Variants in PLEKHA6 observed in about 807,000 individuals in gnomAD.
PLEKHA6 encodes the protein pleckstrin homology domain-containing family A member 6.
Under a neutral mutation model 116.7 loss-of-function variants are expected in PLEKHA6, and 60 were observed. That is an observed-to-expected ratio of 0.51 (90% CI 0.42 to 0.64). PLEKHA6 has a LOEUF of 0.64. Ranked by LOEUF, PLEKHA6 falls within the 30% of genes least tolerant of loss-of-function variation. The probability of loss-of-function intolerance (pLI) is 0.00; values close to 1 mark genes in which losing one functional copy is unlikely to be tolerated. For missense variants in PLEKHA6, 1,338 were observed against 1,422.7 expected (o/e 0.94, Z 0.96); for synonymous variants, 489 against 556.1 (o/e 0.88, Z 1.70).
At chr1:204,362,312 TGAGG>T (rs1673577692), upstream of PLEKHA6, among the ~76,000 whole-genome samples, 1 of 152,114 alleles carries the variant, frequency 6.6e-6, no homozygotes, top group Admixed American at 6.6e-5. Flanking sequence ...TGAGGTGGCG[TGAGG>T]GAGGGAGGAT....
intron 9 of PLEKHA6, among the ~76,000 whole-genome samples, chr1:204,254,678 T>C (rs1051604179): frequency 7.9e-5 from 12 of 152,186 alleles, no homozygotes; most frequent in African/African-American, 2.9e-4. Flanking sequence ...TACAGGGTTA[T>C]AGTGAAGATT....
chr1:204,290,340 A>G (rs550217745), intron 1 of PLEKHA6, among the ~76,000 whole-genome samples: 2 of 152,364 alleles, frequency 1.3e-5, no homozygotes, highest in South Asian at 4.1e-4. Context: ...ACATATATAG[A>G]TAAATGGAAC....
At chr1:204,267,844 T>G (rs566967469) in intron 4 of PLEKHA6, among the ~76,000 whole-genome samples, 26 of 152,240 alleles carry the variant, frequency 1.7e-4, no homozygotes, top group Admixed American at 1.4e-3. Context: ...GCAAGGCCAA[T>G]CTGGTGCCAA....
At chr1:204,353,919 G>A (rs1203076856) in intron 1 of PLEKHA6, among the ~76,000 whole-genome samples, 1 of 152,124 alleles carries the variant, frequency 6.6e-6, no homozygotes, top group East Asian at 1.9e-4. Context: ...AGTTTCAAGT[G>A]AGGTTAGCAG....
intron 12 of PLEKHA6, among the ~76,000 whole-genome samples, chr1:204,248,155 C>CCTTT (rs1664025072): frequency 1.0e-5 from 1 of 95,242 alleles, no homozygotes; most frequent in South Asian, 3.5e-4. Flanking sequence ...GGGCAGCAGC[C>CCTTT]TTTTTTTTTT....
intron 1 of PLEKHA6, among the ~76,000 whole-genome samples, chr1:204,322,487 C>T (rs1672098164): frequency 6.6e-6 from 1 of 152,202 alleles, no homozygotes; most frequent in Non-Finnish European, 1.5e-5. Flanking sequence ...CCAGTGGGGT[C>T]GCACAGCAGG....
chr1:204,268,756 G>C (rs1667126570), intron 3 of PLEKHA6, among the ~76,000 whole-genome samples: 1 of 152,072 alleles, frequency 6.6e-6, no homozygotes, highest in Non-Finnish European at 1.5e-5. Flanking sequence ...ACAGAGCCAG[G>C]AGGAGAGACG....
At chr1:204,342,524 G>A (rs1324302264) in intron 1 of PLEKHA6, among the ~76,000 whole-genome samples, 1 of 152,198 alleles carries the variant, frequency 6.6e-6, no homozygotes, top group Non-Finnish European at 1.5e-5. Context: ...CGCTTTTAAT[G>A]TGCATATGAA....
At chr1:204,224,170 AG>A (rs1361882731) in intron 21 of PLEKHA6, among the ~76,000 whole-genome samples, 1 of 152,150 alleles carries the variant, frequency 6.6e-6, no homozygotes, top group Non-Finnish European at 1.5e-5. Context: ...TCATCAGTCC[AG>A]TAAAGGCAAA....
chr1:204,317,781 A>C (rs1477885084), intron 1 of PLEKHA6, among the ~76,000 whole-genome samples: 1 of 152,236 alleles, frequency 6.6e-6, no homozygotes, highest in Admixed American at 6.5e-5. Context: ...GCACTTGGTA[A>C]GAATAAATAT....
At chr1:204,304,217 A>G (rs1424133053) in intron 1 of PLEKHA6, among the ~76,000 whole-genome samples, 1 of 152,230 alleles carries the variant, frequency 6.6e-6, no homozygotes, top group Non-Finnish European at 1.5e-5. Flanking sequence ...AGGAATAAGA[A>G]TGCGCAAGTC....
Position 204,285,712 on chromosome 1 carries a change from A to G in PLEKHA6, c.-94-10903T>C, listed in dbSNP as rs564730844. ...GGCTCATTATTTTTAAATCACATGC[A>G]TTAAGACTCCTCTGCACAGTTTGAA... is the stretch of plus-strand genomic sequence containing the variant. On this transcript the variant is annotated intron_variant, in intron 1 of 22. Coordinates refer to ENST00000272203, the MANE Select transcript of PLEKHA6 (RefSeq NM_014935.5). Among the ~76,000 whole-genome samples the G allele has an allele frequency of 4.6e-5, 7 of 152,298 alleles. No individual in the cohort carries two copies. The East Asian group carries it at 1.3e-3, about 29-fold the overall frequency.
chr1:204,270,159 C>A (rs1272821730), intron 3 of PLEKHA6, among the ~76,000 whole-genome samples: 1 of 152,228 alleles, frequency 6.6e-6, no homozygotes, highest in Non-Finnish European at 1.5e-5. Flanking sequence ...TGGATTTCTA[C>A]AAGACTATTG....
At chr1:204,373,846 C>T (rs1309328419) in intron 1 of PLEKHA6, among the ~76,000 whole-genome samples, 2 of 152,194 alleles carry the variant, frequency 1.3e-5, no homozygotes, top group Non-Finnish European at 2.9e-5. Flanking sequence ...CTAGTGACTT[C>T]TGAGCTCAGG....
intron 1 of PLEKHA6, among the ~76,000 whole-genome samples, chr1:204,316,137 C>T (rs1263064033): frequency 6.6e-6 from 1 of 152,158 alleles, no homozygotes; most frequent in African/African-American, 2.4e-5. Flanking sequence ...TCTCGTTGAT[C>T]AATGGATAAA....
chr1:204,366,686 C>T (rs116111654), intron 3 of PLEKHA6, among the ~76,000 whole-genome samples: 2,986 of 152,152 alleles, frequency 0.02, 76 homozygotes, highest in Middle Eastern at 0.058. Context: ...TCTTGAACCC[C>T]GGAGATGGAA....
At position 204,229,036 on chromosome 1, in the gene PLEKHA6, C is replaced by T. The variant is rs1050643620; in HGVS notation, c.2652G>A (p.Glu884=). 3.7e-6 allele frequency: 6 copies of T among 1,614,066 alleles called. No individual in the cohort carries two copies. Among genetic ancestry groups the T allele is most frequent in the Middle Eastern group, 3.3e-4 (2 of 6,082 alleles). The change falls in exon 19 of 23, where the codon GAG becomes GAA. Residue 884 remains glutamate, a synonymous_variant. Coordinates refer to ENST00000272203, the MANE Select transcript of PLEKHA6 (RefSeq NM_014935.5). The part of the protein sequence containing the change: ...SNLEAALRAE[E]PGGHAYETPR... ...GTGTCTCGTAGGCATGCCCGCCAGG[C>T]TCCTCTGCCCGCAGGGCTGCCTCCA...
At chr1:204,351,028 C>T (rs369478127) in intron 1 of PLEKHA6, among the ~76,000 whole-genome samples, 11 of 152,294 alleles carry the variant, frequency 7.2e-5, no homozygotes, top group South Asian at 2.1e-4. Context: ...CCCTCCTCTC[C>T]GAACGCCAGC....
At chr1:204,305,353 G>A (rs1002520196) in intron 1 of PLEKHA6, among the ~76,000 whole-genome samples, 1 of 152,178 alleles carries the variant, frequency 6.6e-6, no homozygotes, top group African/African-American at 2.4e-5. Context: ...GCTGGATTAG[G>A]AGTTGGATTC....
Sources: allele counts gnomAD v4.1 joint callset (sites outside exome capture counted in the v4.1 genomes callset), GRCh38; gene constraint gnomAD v4.1.1; transcripts MANE v1.5; gene names NCBI Gene and HGNC (gene_info 2026-07-23, HGNC 2026-07-21).